NMT2: variants seen among roughly 807,000 people sequenced by gnomAD.
NMT2 encodes glycylpeptide N-tetradecanoyltransferase 2.
In NMT2, 35 loss-of-function variants were observed where a neutral mutation model predicts 65.4. That is an observed-to-expected ratio of 0.54 (90% CI 0.41 to 0.71). The LOEUF (loss-of-function observed/expected upper bound fraction) is 0.71. NMT2 is among the 30% of genes least tolerant of loss of function. The pLI, the probability that NMT2 is intolerant of heterozygous loss-of-function variation, is 0.00. For missense variants in NMT2, 489 were observed against 611.3 expected (o/e 0.80, Z 2.11); for synonymous variants, 226 against 231.8 (o/e 0.98, Z 0.23).
chr10:15,133,094 GTCA>G lies in NMT2; in HGVS notation c.558_560del (p.Asp187del). 1 of 1,614,124 alleles carries G rather than the reference GTCA, an allele frequency of 6.2e-7. No homozygotes were observed. The highest frequency in any genetic ancestry group is 8.5e-7 in the Non-Finnish European group (1 of 1,179,950). On this transcript the variant is annotated inframe_deletion, in exon 5 of 12. Coordinates refer to ENST00000378165, the MANE Select transcript of NMT2 (RefSeq NM_004808.3). ...GTGAATAGTCAAATCGGAACATATTGTCATCATCTTCTACGTAATTCTCATTTA... is the reference window on the plus strand; with the variant it reads ...GTGAATAGTCAAATCGGAACATATTGTCATCTTCTACGTAATTCTCATTTA...
chr10:15,110,195 C>G (rs1415914007), intron 10 of NMT2, among the ~76,000 whole-genome samples: 3 of 151,696 alleles, frequency 2.0e-5, no homozygotes, highest in Admixed American at 1.3e-4. Context: ...ACTGCTTGAG[C>G]CTGGGAGGTA....
chr10:15,153,795 G>A (rs1004933242), intron 1 of NMT2, among the ~76,000 whole-genome samples: 4 of 151,678 alleles, frequency 2.6e-5, no homozygotes, highest in East Asian at 3.9e-4. Flanking sequence ...GACTACAGGT[G>A]CCCGCCACCA....
At chr10:15,134,519 G>C (rs1347417326) in intron 3 of NMT2, among the ~76,000 whole-genome samples, 1 of 152,140 alleles carries the variant, frequency 6.6e-6, no homozygotes, top group Non-Finnish European at 1.5e-5. Context: ...CCTCAGTGTG[G>C]CCGCTCCTCC....
Position 15,131,206 on chromosome 10 carries a change from G to A in NMT2, c.720-894C>T, listed in dbSNP as rs535531603. Among the ~76,000 whole-genome samples the A allele has an allele frequency of 6.6e-5, 10 of 152,084 alleles. No homozygotes were observed. In the South Asian group the frequency reaches 1.5e-3, roughly 22 times the overall value. ...CTCCCTGCCAAAATGATTGTAAAAC[G>A]CACGGAGGCTCCAACCCTCTTGTTC... is the stretch of plus-strand genomic sequence containing the variant. On this transcript the variant is annotated intron_variant, in intron 6 of 11. Transcript: ENST00000378165.
intron 3 of NMT2, 76 bp from the exon 4 acceptor site, chr10:15,133,439 A>C (rs565724724): frequency 8.4e-7 from 1 of 1,195,632 alleles, no homozygotes; most frequent in East Asian, 2.3e-5. Flanking sequence ...TAACCATCCA[A>C]AGTGGTCAGT....
rs944192850 is a variant in NMT2 at position 15,161,403 on chromosome 10, G to A, written c.110+7100C>T. On this transcript the variant is annotated intron_variant, in intron 1 of 11. Transcript: ENST00000378165. ...GTCTTGCTCTGTCGCCCAGGCTGGA[G>A]TGCAATGGTGCAATCTCGACTCACT... Among the ~76,000 whole-genome samples, 8 of 152,260 alleles carry A rather than the reference G, an allele frequency of 5.3e-5. No homozygotes were observed. In the East Asian group the frequency reaches 1.5e-3, roughly 29 times the overall value.
intron 8 of NMT2, among the ~76,000 whole-genome samples, chr10:15,126,677 T>C (rs571496059): frequency 9.2e-5 from 14 of 152,184 alleles, no homozygotes; most frequent in African/African-American, 3.4e-4. Flanking sequence ...AGCATGGAAA[T>C]GGATCCTTCC....
At chr10:15,138,664 A>G (rs1340208071) in intron 2 of NMT2, among the ~76,000 whole-genome samples, 1 of 152,230 alleles carries the variant, frequency 6.6e-6, no homozygotes, top group East Asian at 1.9e-4. Context: ...GAAGTTTATA[A>G]GAATCCAAAT....
rs117979122 is a variant in NMT2 at position 15,156,250 on chromosome 10, G to T, written c.110+12253C>A. On this transcript the variant is annotated intron_variant, in intron 1 of 11. Coordinates refer to ENST00000378165, the MANE Select transcript of NMT2 (RefSeq NM_004808.3). Reference sequence around the variant, plus strand: ...ACCCTCATGCTGTACTCATGACAGGGAATGAGTTCTCATGAAATCTGACGA... The same window carrying T: ...ACCCTCATGCTGTACTCATGACAGGTAATGAGTTCTCATGAAATCTGACGA... 5.7e-3 allele frequency among the ~76,000 whole-genome samples: 860 copies of T among 152,174 alleles called. 21 individuals are homozygous for T. Among genetic ancestry groups the T allele is most frequent in the East Asian group, 0.054 (278 of 5,170 alleles).
chr10:15,157,986 A>G (rs1833057296), intron 1 of NMT2, among the ~76,000 whole-genome samples: 2 of 152,138 alleles, frequency 1.3e-5, no homozygotes, highest in African/African-American at 2.4e-5. Flanking sequence ...ATAAGCCACA[A>G]TCTCTTCATT....
chr10:15,155,069 A>G lies in NMT2; in HGVS notation c.110+13434T>C, dbSNP rs1473589749. 8.3e-6 allele frequency: 11 copies of G among 1,333,172 alleles called. No individual in the cohort carries two copies. The South Asian group carries it at 1.2e-4, about 14-fold the overall frequency. The allele number at this position is 1,333,172 out of a possible 1,614,324, so 82.6% of individuals were successfully genotyped here. ...CTGTATGCTTCAGAATGAAGTTCTCATCATCAAATTTCTCCCTGTAGACAG... is the reference window on the plus strand; with the variant it reads ...CTGTATGCTTCAGAATGAAGTTCTCGTCATCAAATTTCTCCCTGTAGACAG... On this transcript the variant is annotated intron_variant, in intron 1 of 11. Coordinates refer to ENST00000378165, the MANE Select transcript of NMT2 (RefSeq NM_004808.3).
intron 7 of NMT2, 69 bp from the exon 8 acceptor site, chr10:15,128,527 G>T: frequency 1.0e-6 from 1 of 986,868 alleles, no homozygotes; most frequent in Non-Finnish European, 1.6e-6. Context: ...CTTTGTCTCA[G>T]CTTGGCTGTT....
chr10:15,153,638 G>GTTTTA (rs1251101557), intron 1 of NMT2, among the ~76,000 whole-genome samples: 53 of 152,068 alleles, frequency 3.5e-4, no homozygotes, highest in African/African-American at 3.6e-4. Flanking sequence ...CAGATGTTTT[G>GTTTTA]TTTTATTTTA....
chr10:15,163,847 A>G (rs890772968), intron 1 of NMT2, among the ~76,000 whole-genome samples: 6 of 152,212 alleles, frequency 3.9e-5, no homozygotes, highest in African/African-American at 1.4e-4. Context: ...ATCTTTGTCC[A>G]ATACCAGATC....
intron 1 of NMT2, among the ~76,000 whole-genome samples, chr10:15,149,493 C>T: frequency 7.3e-6 from 1 of 136,274 alleles, no homozygotes; most frequent in Non-Finnish European, 1.6e-5. Context: ...ATCATCATCA[C>T]CATCATCACC....
chr10:15,117,798 G>A (rs1303926822), intron 9 of NMT2, among the ~76,000 whole-genome samples: 1 of 152,176 alleles, frequency 6.6e-6, no homozygotes, highest in South Asian at 2.1e-4. Flanking sequence ...CCCAAAGAAA[G>A]TGAAATATCT....
rs1845314842 is a variant in NMT2, at chr10:15,106,701, G to A, written c.*2494C>T. The stretch of plus-strand genomic sequence containing the variant: ...AGTGACCAAGGTCAACAAACTTTCT[G>A]TAAAAGACCAGAGAGTGAATATCTT... On this transcript the variant is annotated 3_prime_UTR_variant, in exon 12 of 12. Transcript: ENST00000378165. 1.0e-6 allele frequency: 1 copy of A among 966,570 alleles called. No individual in the cohort carries two copies. The highest frequency in any genetic ancestry group is 4.8e-5 in the South Asian group (1 of 20,916). 59.9% of individuals were successfully genotyped at this position (966,570 alleles called of 1,614,324 possible).
intron 6 of NMT2, among the ~76,000 whole-genome samples, chr10:15,130,786 CTTTTT>C (rs765987022): frequency 9.9e-6 from 1 of 101,204 alleles, no homozygotes; most frequent in Non-Finnish European, 2.0e-5. Flanking sequence ...TTCTTTCTTT[CTTTTT>C]TTTTTTTTTT....
At chr10:15,117,497 A>T (rs7895451) in intron 9 of NMT2, among the ~76,000 whole-genome samples, 19,187 of 152,212 alleles carry the variant, frequency 0.13, 2,199 homozygotes, top group African/African-American at 0.31. Context: ...GACGAGGATG[A>T]CAACCTTCCC....
Sources: allele counts gnomAD v4.1 joint callset (sites outside exome capture counted in the v4.1 genomes callset), GRCh38; gene constraint gnomAD v4.1.1; transcripts MANE v1.5; gene names NCBI Gene and HGNC (gene_info 2026-07-23, HGNC 2026-07-21).